TGFBR3: variants seen among roughly 807,000 people sequenced by gnomAD.
TGFBR3 encodes the protein transforming growth factor beta receptor 3, also known as transforming growth factor beta receptor type 3.
In TGFBR3, 46 loss-of-function variants were observed where a neutral mutation model predicts 87.9. The observed-to-expected ratio is 0.52, with a 90% confidence interval of 0.41 to 0.67. The LOEUF (loss-of-function observed/expected upper bound fraction) is 0.67. Ranked by LOEUF, TGFBR3 falls within the 30% of genes least tolerant of loss-of-function variation. The pLI, the probability that TGFBR3 is intolerant of heterozygous loss-of-function variation, is 0.00. For missense variants in TGFBR3, 866 were observed against 1,041.9 expected, an observed-to-expected ratio of 0.83 and a Z score of 2.32; for synonymous variants, 381 against 391.6, an observed-to-expected ratio of 0.97 and a Z score of 0.32.
At chr1:91,897,750 T>C (rs1157626358) in intron 2 of TGFBR3, among the ~76,000 whole-genome samples, 1 of 152,164 alleles carries the variant, frequency 6.6e-6, no homozygotes, top group African/African-American at 2.4e-5. Context: ...AGAAAATTAA[T>C]CTTCACAGGA....
At chr1:91,754,996 T>C (rs774147196) in intron 4 of TGFBR3, 1 of 152,178 alleles carries the variant, frequency 6.6e-6, no homozygotes, top group African/African-American at 2.4e-5. Context: ...CAAGGATACA[T>C]GCATCGTGGA....
chr1:91,757,855 C>T (rs926150373), intron 4 of TGFBR3, among the ~76,000 whole-genome samples: 7 of 152,148 alleles, frequency 4.6e-5, no homozygotes, highest in Admixed American at 1.3e-4. Flanking sequence ...GTTTTGGATG[C>T]TTGTGGGCAA....
chr1:91,905,907 A>G (rs1398099682), exon 1 of TGFBR3: 1 of 152,250 alleles, frequency 6.6e-6, no homozygotes, highest in Non-Finnish European at 1.5e-5. Flanking sequence ...CCTGATGTTA[A>G]GACCATGCGC....
chr1:91,705,739 C>T (rs970427420), intron 14 of TGFBR3, among the ~76,000 whole-genome samples: 4 of 152,190 alleles, frequency 2.6e-5, no homozygotes, highest in African/African-American at 4.8e-5. Context: ...GGGAAGCTGG[C>T]CTACAGTTTA....
intron 2 of TGFBR3, among the ~76,000 whole-genome samples, chr1:91,814,895 T>C (rs1026242858): frequency 2.0e-5 from 3 of 152,218 alleles, no homozygotes; most frequent in Non-Finnish European, 4.4e-5. Context: ...AACATAGTCT[T>C]CTAAATTACC....
chr1:91,742,860 A>G (rs1173711951), intron 4 of TGFBR3, among the ~76,000 whole-genome samples: 1 of 152,240 alleles, frequency 6.6e-6, no homozygotes, highest in Non-Finnish European at 1.5e-5. Flanking sequence ...AGACTTTTTT[A>G]AAGAGCAGAA....
intron 10 of TGFBR3, among the ~76,000 whole-genome samples, chr1:91,719,075 C>T (rs560623738): frequency 2.8e-4 from 42 of 152,178 alleles, no homozygotes; most frequent in African/African-American, 8.7e-4. Flanking sequence ...CATCAGGAGA[C>T]GGAAACGGGG....
chr1:91,811,702 T>C (rs1471264814), intron 2 of TGFBR3, among the ~76,000 whole-genome samples: 4 of 152,218 alleles, frequency 2.6e-5, no homozygotes, highest in African/African-American at 9.7e-5. Context: ...TGTACTATTA[T>C]TGTTTAATAA....
chr1:91,720,288 T>C, intron 8 of TGFBR3, 58 bp from the exon 9 acceptor site: 2 of 1,474,900 alleles, frequency 1.4e-6, no homozygotes, highest in African/African-American at 2.8e-5. Flanking sequence ...ACAACCAACA[T>C]CATTACAGGC....
intron 4 of TGFBR3, among the ~76,000 whole-genome samples, chr1:91,735,235 T>C (rs1672924450): frequency 6.6e-6 from 1 of 152,206 alleles, no homozygotes; most frequent in African/African-American, 2.4e-5. Flanking sequence ...GTAAGAATTA[T>C]CACTGCTATT....
intron 2 of TGFBR3, among the ~76,000 whole-genome samples, chr1:91,833,963 C>A (rs1425650159): frequency 1.3e-5 from 2 of 152,140 alleles, no homozygotes; most frequent in African/African-American, 4.8e-5. Context: ...TTCTCAATAT[C>A]ATTTTAACTC....
At chr1:91,900,503 A>C (rs1384158066) in intron 1 of TGFBR3, among the ~76,000 whole-genome samples, 4 of 152,266 alleles carry the variant, frequency 2.6e-5, no homozygotes, top group Admixed American at 2.0e-4. Context: ...GTAACACTTA[A>C]AATCACTACT....
intron 3 of TGFBR3, among the ~76,000 whole-genome samples, chr1:91,763,555 C>T (rs1219384605): frequency 6.6e-6 from 1 of 152,218 alleles, no homozygotes; most frequent in Non-Finnish European, 1.5e-5. Flanking sequence ...AAATCACATG[C>T]TGGTCTGTAT....
intron 3 of TGFBR3, among the ~76,000 whole-genome samples, chr1:91,789,388 A>C (rs1675102614): frequency 6.6e-6 from 1 of 152,240 alleles, no homozygotes; most frequent in African/African-American, 2.4e-5. Context: ...TCCAGCCAGC[A>C]TAGAACATAA....
chr1:91,800,812 C>T (rs2450932), intron 2 of TGFBR3: 7,097 of 157,876 alleles, frequency 0.045, 434 homozygotes, highest in African/African-American at 0.14. Context: ...CGGCCCAGTG[C>T]GGTGGCTCAT....
At chr1:91,730,459 T>C (rs996616468) in intron 5 of TGFBR3, among the ~76,000 whole-genome samples, 1 of 152,306 alleles carries the variant, frequency 6.6e-6, no homozygotes, top group Non-Finnish European at 1.5e-5. Flanking sequence ...ATTCTTTTTC[T>C]AGGTGATCTC....
intron 4 of TGFBR3, among the ~76,000 whole-genome samples, chr1:91,753,895 T>C (rs1354076308): frequency 1.3e-5 from 2 of 152,250 alleles, no homozygotes; most frequent in African/African-American, 4.8e-5. Flanking sequence ...CTGTGAATAA[T>C]GATGCTTTGG....
At chr1:91,830,228 T>C (rs1676804231) in intron 2 of TGFBR3, among the ~76,000 whole-genome samples, 1 of 152,226 alleles carries the variant, frequency 6.6e-6, no homozygotes, top group African/African-American at 2.4e-5. Context: ...TGTCTTTCTC[T>C]GGCATAACCA....
At chr1:91,693,381 A>T (rs979797751) in intron 16 of TGFBR3, among the ~76,000 whole-genome samples, 11 of 152,310 alleles carry the variant, frequency 7.2e-5, no homozygotes, top group African/African-American at 2.6e-4. Context: ...TCTTAAATTT[A>T]CTTACAAACC....
Sources: allele counts gnomAD v4.1 joint callset (sites outside exome capture counted in the v4.1 genomes callset), GRCh38; gene constraint gnomAD v4.1.1; transcripts MANE v1.5; gene names NCBI Gene and HGNC (gene_info 2026-07-23, HGNC 2026-07-21).